SHMT1: variants seen among roughly 807,000 people sequenced by gnomAD.
SHMT1 encodes the protein serine hydroxymethyltransferase, cytosolic.
Under a neutral mutation model 49.0 loss-of-function variants are expected in SHMT1, and 45 were observed. The ratio of observed to expected loss-of-function variants is 0.92; its 90% CI spans 0.72 to 1.18. SHMT1 has a LOEUF of 1.18. Ranked by LOEUF, SHMT1 falls within the 50% of genes most tolerant of loss-of-function variation. The probability of loss-of-function intolerance (pLI) is 0.00; values close to 1 mark genes in which losing one functional copy is unlikely to be tolerated. For missense variants in SHMT1, 541 were observed against 612.4 expected (o/e 0.88, Z 1.23); for synonymous variants, 232 against 246.6 (o/e 0.94, Z 0.55).
chr17:18,336,304 A>G (rs1276204702), intron 7 of SHMT1, among the ~76,000 whole-genome samples: 1 of 151,656 alleles, frequency 6.6e-6, no homozygotes, highest in Non-Finnish European at 1.5e-5. Context: ...AAAAAAGGAC[A>G]GAAATTTCCC....
intron 1 of SHMT1, chr17:18,363,056 T>C (rs1986917137): frequency 1.3e-5 from 2 of 152,324 alleles, no homozygotes; most frequent in African/African-American, 2.4e-5. Context: ...ATTGTTTAAA[T>C]CGAAAATGCT....
At chr17:18,347,385 G>A (rs1017741524) in intron 5 of SHMT1, 111 bp downstream of exon 5, 32 of 1,220,884 alleles carry the variant, frequency 2.6e-5, no homozygotes, top group Middle Eastern at 2.7e-4. Context: ...AAAACGGTGC[G>A]AGGTGGGGAC....
chr17:18,337,316 G>C (rs775218918), intron 7 of SHMT1, among the ~76,000 whole-genome samples: 1 of 152,158 alleles, frequency 6.6e-6, no homozygotes, highest in African/African-American at 2.4e-5. Context: ...AGCACTGGGT[G>C]AAATAAATCA....
chr17:18,332,363 A>C (rs1433285367), intron 9 of SHMT1: 4 of 152,634 alleles, frequency 2.6e-5, no homozygotes, highest in Admixed American at 6.5e-5. Flanking sequence ...TTAGACCAGG[A>C]GGCCTGTAAT....
In SHMT1 at chr17:18,330,708, A is replaced by G. The variant is rs1260761921; in HGVS notation, c.1055-37T>C. The G allele has an allele frequency of 2.1e-6, 3 of 1,419,242 alleles. No individual in the cohort carries two copies. The South Asian group carries it at 3.4e-5, about 16-fold the overall frequency. 87.9% of individuals were successfully genotyped at this position (1,419,242 alleles called of 1,614,324 possible). On this transcript the variant is annotated intron_variant, in intron 9 of 11. Coordinates refer to ENST00000316694, the MANE Select transcript of SHMT1 (RefSeq NM_004169.5). The stretch of plus-strand genomic sequence containing the variant: ...GTTGGACATGTAGAAATGCAGGCGA[A>G]TTCTATGCCGTGAAGGAATCTCTGA...
Position 18,335,622 on chromosome 17 carries a change from A to G in SHMT1, c.868T>C (p.Ser290Pro), listed in dbSNP as rs1307021455. ...TGKEILYNLESLINSAVFPGL... is the reference protein window; with the variant it reads ...TGKEILYNLEPLINSAVFPGL... Reference sequence around the variant, plus strand: ...GGGAACACAGCAGAATTGATAAGAGACTCCAGGTTGTACAGAATCTCTTTG... The same window carrying G: ...GGGAACACAGCAGAATTGATAAGAGGCTCCAGGTTGTACAGAATCTCTTTG... The change falls in exon 8 of 12, where the codon TCT becomes CCT. Residue 290 changes from serine (S) to proline (P), a missense_variant. Transcript: ENST00000316694. 6.2e-7 allele frequency: 1 copy of G among 1,613,746 alleles called. No homozygotes were observed. Among genetic ancestry groups the G allele is most frequent in the Non-Finnish European group, 8.5e-7 (1 of 1,179,938 alleles).
chr17:18,333,427 C>T, intron 8 of SHMT1, 139 bp from the exon 9 acceptor site: 2 of 530,108 alleles, frequency 3.8e-6, no homozygotes, highest in South Asian at 4.7e-5. Context: ...TTATCTTTTC[C>T]TCCAAAATGA....
At chr17:18,353,035 G>A (rs1278040972) in intron 3 of SHMT1, among the ~76,000 whole-genome samples, 3 of 152,078 alleles carry the variant, frequency 2.0e-5, no homozygotes, top group African/African-American at 7.2e-5. Flanking sequence ...GAGCTTCAGG[G>A]GCATCTCAGG....
At chr17:18,338,083 TGAG>T in intron 7 of SHMT1, among the ~76,000 whole-genome samples, 1 of 148,610 alleles carries the variant, frequency 6.7e-6, no homozygotes, top group African/African-American at 2.5e-5. Flanking sequence ...GTCTGGGAAG[TGAG>T]GAGCGCCTCT....
intron 7 of SHMT1, among the ~76,000 whole-genome samples, chr17:18,337,684 G>T (rs1423067996): frequency 2.6e-5 from 4 of 151,900 alleles, no homozygotes; most frequent in Non-Finnish European, 5.9e-5. Context: ...TGATTCTCCT[G>T]CCTCAGCCTG....
chr17:18,330,601 C>T lies in SHMT1; in HGVS notation c.1125G>A (p.Lys375=). The T allele has an allele frequency of 1.9e-6, 3 of 1,614,200 alleles. No homozygotes were observed. The highest frequency in any genetic ancestry group is 2.5e-6 in the Non-Finnish European group (3 of 1,180,002). Reference sequence around the variant, plus strand: ...AGGCAATAGAACAGGCTTCTAGCACCTTCTCAGCCCTTCCACCATCTGTGC... The same window carrying T: ...AGGCAATAGAACAGGCTTCTAGCACTTTCTCAGCCCTTCCACCATCTGTGC... ...SKGTDGGRAE[K]VLEACSIACN... The change falls in exon 10 of 12, where the codon AAG becomes AAA. Residue 375 remains lysine (K), a synonymous_variant. Coordinates refer to ENST00000316694, the MANE Select transcript of SHMT1 (RefSeq NM_004169.5).
intron 8 of SHMT1, 79 bp downstream of exon 8, chr17:18,335,480 G>T: frequency 1.0e-6 from 1 of 983,530 alleles, no homozygotes; most frequent in Non-Finnish European, 1.6e-6. Flanking sequence ...CAGCGTGGAA[G>T]TCCTGGCACA....
chr17:18,361,917 G>T (rs1228410436), intron 1 of SHMT1, among the ~76,000 whole-genome samples: 2 of 152,128 alleles, frequency 1.3e-5, no homozygotes, highest in Non-Finnish European at 2.9e-5. Flanking sequence ...TTCTGTAGAG[G>T]CACTGTTGCT....
intron 3 of SHMT1, among the ~76,000 whole-genome samples, chr17:18,349,435 G>A (rs1215734843): frequency 6.6e-6 from 1 of 151,896 alleles, no homozygotes; most frequent in Non-Finnish European, 1.5e-5. Context: ...AAAATTTAAA[G>A]TAACTACATG....
intron 3 of SHMT1, 52 bp from the exon 4 acceptor site, chr17:18,348,492 G>T: frequency 1.5e-6 from 2 of 1,332,450 alleles, no homozygotes; most frequent in Non-Finnish European, 2.2e-6. Flanking sequence ...GAAAGTCTGT[G>T]CTTCACAGAG....
intron 1 of SHMT1, among the ~76,000 whole-genome samples, chr17:18,360,068 C>T (rs1249981964): frequency 1.3e-5 from 2 of 151,788 alleles, no homozygotes; most frequent in African/African-American, 2.4e-5. Flanking sequence ...GCCAACACAG[C>T]GAAACCCCGT....
intron 3 of SHMT1, 30 bp from the exon 4 acceptor site, chr17:18,348,470 C>T: frequency 6.7e-7 from 1 of 1,498,968 alleles, no homozygotes; most frequent in Non-Finnish European, 9.3e-7. Flanking sequence ...GACTTAGATC[C>T]ACTCAGACCC....
In SHMT1 at chr17:18,347,489, T is replaced by A; in HGVS notation, c.519+7A>T. ...AAATAAAAGCTAGGAGAGAAACACA[T>A]GCTTACCTTGTAGGGCATAGATTCA... On this transcript the variant is annotated splice_region_variant and intron_variant, in intron 5 of 11. Coordinates refer to ENST00000316694, the MANE Select transcript of SHMT1 (RefSeq NM_004169.5). 3 of 1,613,932 alleles carry A rather than the reference T, an allele frequency of 1.9e-6. No homozygotes were observed. The African/African-American group carries it at 4.0e-5, about 22-fold the overall frequency.
At chr17:18,339,059 A>T (rs899897099) in intron 7 of SHMT1, among the ~76,000 whole-genome samples, 3 of 146,984 alleles carry the variant, frequency 2.0e-5, no homozygotes, top group Non-Finnish European at 3.0e-5. Context: ...TAAAAAAAAA[A>T]AAAAAAAAAA....
Sources: allele counts gnomAD v4.1 joint callset (sites outside exome capture counted in the v4.1 genomes callset), GRCh38; gene constraint gnomAD v4.1.1; transcripts MANE v1.5; gene names NCBI Gene and HGNC (gene_info 2026-07-23, HGNC 2026-07-21).